THSD7B: variants seen among roughly 807,000 people sequenced by gnomAD.
The protein encoded by THSD7B is thrombospondin type 1 domain containing 7B.
A neutral mutation model predicts 213.6 loss-of-function variants in THSD7B; 138 were observed. The ratio of observed to expected loss-of-function variants is 0.65; its 90% CI spans 0.56 to 0.74. THSD7B has a LOEUF of 0.74. THSD7B is among the 30% of genes least tolerant of loss of function. THSD7B has a pLI of 0.00. For missense variants in THSD7B, 1,931 were observed against 1,991.5 expected, an observed-to-expected ratio of 0.97 and a Z score of 0.58; for synonymous variants, 742 against 687.0, an observed-to-expected ratio of 1.08 and a Z score of -1.25.
chr2:136,823,609 A>C (rs1007726444), intron 1 of THSD7B, among the ~76,000 whole-genome samples: 1 of 151,980 alleles, frequency 6.6e-6, no homozygotes, highest in Non-Finnish European at 1.5e-5. Flanking sequence ...TTTTCATGAC[A>C]TTCCCATTTG....
At chr2:137,272,479 G>T in intron 10 of THSD7B, 54 bp from the exon 11 acceptor site, 2 of 1,510,398 alleles carry the variant, frequency 1.3e-6, no homozygotes, top group Non-Finnish European at 1.8e-6. Flanking sequence ...CCTGGATTTT[G>T]ATCTGCATCA....
At chr2:137,312,076 G>T (rs1683927613) in intron 12 of THSD7B, among the ~76,000 whole-genome samples, 1 of 151,008 alleles carries the variant, frequency 6.6e-6, no homozygotes, top group Non-Finnish European at 1.5e-5. Flanking sequence ...GTTTCAGAAG[G>T]AATGGTACCA....
At chr2:137,541,179 C>T (rs542263720) in intron 15 of THSD7B, among the ~76,000 whole-genome samples, 1 of 151,606 alleles carries the variant, frequency 6.6e-6, no homozygotes, top group Admixed American at 6.6e-5. Flanking sequence ...AGAAAAGTAA[C>T]TAAACAAATA....
chr2:136,965,501 T>G (rs992084912), intron 2 of THSD7B, among the ~76,000 whole-genome samples: 28 of 152,210 alleles, frequency 1.8e-4, no homozygotes, highest in Admixed American at 1.8e-3. Flanking sequence ...TTCTGGGTAG[T>G]GGGGACAAGT....
chr2:137,407,186 T>C (rs1686544502), intron 13 of THSD7B, among the ~76,000 whole-genome samples: 2 of 152,158 alleles, frequency 1.3e-5, no homozygotes, highest in African/African-American at 4.8e-5. Flanking sequence ...ACCAGTACCA[T>C]TTTTGTTATG....
rs1558819869 is a variant in THSD7B, at chr2:136,832,204, T to TATAC, written c.-35-49939_-35-49938insTACA. On this transcript the variant is annotated intron_variant, in intron 1 of 27. Transcript: ENST00000409968. ...GTGTGTGTGTGTGTGTGTGTGTGTA[T>TATAC]ACACACACACATATATACAATTGTG... Among the ~76,000 whole-genome samples, 94 of 150,754 alleles carry TATAC rather than the reference T, an allele frequency of 6.2e-4. 1 individual carries two copies. The highest frequency in any genetic ancestry group is 6.1e-3 in the Admixed American group (93 of 15,158).
At chr2:136,902,245 T>G (rs1218794338) in intron 2 of THSD7B, among the ~76,000 whole-genome samples, 1 of 152,192 alleles carries the variant, frequency 6.6e-6, no homozygotes, top group Non-Finnish European at 1.5e-5. Flanking sequence ...GGGGTCTTGT[T>G]TAGGATGACT....
intron 7 of THSD7B, among the ~76,000 whole-genome samples, chr2:137,230,313 A>G (rs921895461): frequency 6.6e-6 from 1 of 152,194 alleles, no homozygotes; most frequent in Non-Finnish European, 1.5e-5. Flanking sequence ...AAAGGATTGT[A>G]AATAGTATTT....
intron 7 of THSD7B, among the ~76,000 whole-genome samples, chr2:137,174,233 C>T (rs1359278183): frequency 6.6e-6 from 1 of 152,022 alleles, no homozygotes; most frequent in Non-Finnish European, 1.5e-5. Flanking sequence ...ATTCAACATC[C>T]CTGCCAAGTA....
At chr2:137,675,089 C>CT (rs1683666587) in intron 27 of THSD7B, among the ~76,000 whole-genome samples, 1 of 151,918 alleles carries the variant, frequency 6.6e-6, no homozygotes, top group African/African-American at 2.4e-5. Context: ...CACAATAGAC[C>CT]AGATACAGCA....
chr2:137,128,956 G>A lies in THSD7B; in HGVS notation c.1369+13663G>A, dbSNP rs552247639. On this transcript the variant is annotated intron_variant, in intron 5 of 27. Transcript: ENST00000409968. ...GTTTGAAGCTTTAGCATCAAAGCTT[G>A]TAATGACTTGCTAACTCTAATTGAT... 2.0e-5 allele frequency among the ~76,000 whole-genome samples: 3 copies of A among 152,260 alleles called. 1 individual carries two copies. Among genetic ancestry groups the A allele is most frequent in the African/African-American group, 7.2e-5 (3 of 41,570 alleles).
rs184794157 is a variant in THSD7B, at chr2:137,668,951, G to A, written c.4739+1090G>A. ...TTATTGTCTCAGGGGTGGCAGAGGC[G>A]GAAGAAATTCTGCATATAAGTTGAT... On this transcript the variant is annotated intron_variant, in intron 27 of 27. Coordinates refer to ENST00000409968, the MANE Select transcript of THSD7B (RefSeq NM_001316349.2). 1.1e-3 allele frequency among the ~76,000 whole-genome samples: 164 copies of A among 152,160 alleles called. 5 individuals are homozygous for A. In the South Asian group the frequency reaches 0.026, roughly 24 times the overall value.
chr2:136,793,696 TG>T, intron 1 of THSD7B, among the ~76,000 whole-genome samples: 1 of 152,042 alleles, frequency 6.6e-6, no homozygotes, highest in Non-Finnish European at 1.5e-5. Flanking sequence ...TTAGAATTTT[TG>T]TATCTTTGTT....
chr2:137,262,142 G>C (rs917741983), intron 10 of THSD7B, among the ~76,000 whole-genome samples: 3 of 152,116 alleles, frequency 2.0e-5, no homozygotes, highest in Non-Finnish European at 4.4e-5. Flanking sequence ...GGCCTGAATA[G>C]CATTCTTAAG....
chr2:137,630,709 G>A (rs1431200327), intron 20 of THSD7B, among the ~76,000 whole-genome samples: 13 of 152,138 alleles, frequency 8.5e-5, no homozygotes, highest in African/African-American at 2.4e-5. Context: ...TCAGCAGCTC[G>A]CCTGTTCTAA....
chr2:136,791,168 G>T (rs561374521), intron 1 of THSD7B, among the ~76,000 whole-genome samples: 29 of 151,794 alleles, frequency 1.9e-4, no homozygotes, highest in South Asian at 8.3e-4. Flanking sequence ...AAATGAATAG[G>T]ATAAAATAGA....
intron 20 of THSD7B, among the ~76,000 whole-genome samples, chr2:137,627,252 C>T (rs1189069463): frequency 6.6e-6 from 1 of 152,212 alleles, no homozygotes; most frequent in African/African-American, 2.4e-5. Context: ...GAGGAATCCT[C>T]ACCTATGACC....
At chr2:136,886,358 TA>T (rs1453574080) in intron 2 of THSD7B, among the ~76,000 whole-genome samples, 1 of 151,888 alleles carries the variant, frequency 6.6e-6, no homozygotes, top group Non-Finnish European at 1.5e-5. Context: ...GGAGATGAGG[TA>T]GGAGGCTACT....
At chr2:137,620,159 A>G (rs960423291) in intron 19 of THSD7B, among the ~76,000 whole-genome samples, 1 of 152,160 alleles carries the variant, frequency 6.6e-6, no homozygotes, top group Admixed American at 6.5e-5. Context: ...AGGCTTTTTT[A>G]TACACTTTAG....
Sources: allele counts gnomAD v4.1 joint callset (sites outside exome capture counted in the v4.1 genomes callset), GRCh38; gene constraint gnomAD v4.1.1; transcripts MANE v1.5; gene names NCBI Gene and HGNC (gene_info 2026-07-23, HGNC 2026-07-21).